Variants in NRG1 observed in about 807,000 individuals in gnomAD.
NRG1 encodes the protein pro-neuregulin-1, membrane-bound isoform.
Under a neutral mutation model 63.8 loss-of-function variants are expected in NRG1, and 18 were observed. The observed-to-expected ratio is 0.28, with a 90% CI of 0.19 to 0.42. The LOEUF (loss-of-function observed/expected upper bound fraction) is 0.42, where lower values mean the gene tolerates loss of function less well. Among genes scored for constraint, NRG1 ranks in the 10% least tolerant of loss-of-function variants. NRG1 has a pLI of 1.00. For missense variants in NRG1, 762 were observed against 814.7 expected (o/e 0.94, Z 0.79); for synonymous variants, 302 against 301.3 (o/e 1.00, Z -0.02).
chr8:31,706,119 A>G (rs1404171652), intron 1 of NRG1, among the ~76,000 whole-genome samples: 1 of 152,230 alleles, frequency 6.6e-6, no homozygotes, highest in East Asian at 1.9e-4. Flanking sequence ...AGAGTAAATG[A>G]GTACATAGTA....
At chr8:32,040,750 C>CATATATATAT (rs71208164) in intron 1 of NRG1, among the ~76,000 whole-genome samples, 2,063 of 48,682 alleles carry the variant, frequency 0.042, 187 homozygotes, top group African/African-American at 0.08. Context: ...AATTTAGGCG[C>CATATATATAT]ATATATATAT....
chr8:32,001,391 C>G lies in NRG1; in HGVS notation c.37+361960C>G, dbSNP rs532693662. ...CCACCGTGTAAGACATGACTTTGTT[C>G]CCCCTTTGCCTTCTGCCATGATTGT... On this transcript the variant is annotated intron_variant, in intron 1 of 10. Transcript: ENST00000519301. Among the ~76,000 whole-genome samples, 5 of 152,068 alleles carry G rather than the reference C, an allele frequency of 3.3e-5. No homozygotes were observed. In the East Asian group the frequency reaches 9.8e-4, roughly 30 times the overall value.
intron 9 of NRG1, among the ~76,000 whole-genome samples, chr8:32,758,602 A>AAG (rs1830096959): frequency 2.1e-5 from 3 of 139,638 alleles, no homozygotes; most frequent in African/African-American, 8.1e-5. Context: ...AAAAAAAAAA[A>AAG]GGAGAAGAAA....
At chr8:31,694,675 T>C (rs557884282) in intron 1 of NRG1, among the ~76,000 whole-genome samples, 1 of 152,288 alleles carries the variant, frequency 6.6e-6, no homozygotes, top group South Asian at 2.1e-4. Context: ...CTAGAGCCAA[T>C]GGGGCATAGG....
At chr8:31,932,555 T>G (rs945759247) in intron 1 of NRG1, among the ~76,000 whole-genome samples, 4 of 152,142 alleles carry the variant, frequency 2.6e-5, no homozygotes, top group African/African-American at 9.7e-5. Context: ...TCGTCAGGAG[T>G]GACATTTACT....
chr8:32,271,328 AG>A (rs1851520588), intron 1 of NRG1, among the ~76,000 whole-genome samples: 1 of 152,228 alleles, frequency 6.6e-6, no homozygotes. Context: ...AAATTATTTA[AG>A]AATGATTTAA....
intron 5 of NRG1, among the ~76,000 whole-genome samples, chr8:32,713,572 T>C (rs1431858290): frequency 6.6e-6 from 1 of 151,634 alleles, no homozygotes; most frequent in Non-Finnish European, 1.5e-5. Context: ...ATCAGATTTT[T>C]TTTTGTTTAC....
At chr8:32,048,369 A>C (rs1394653036) in intron 1 of NRG1, among the ~76,000 whole-genome samples, 1 of 148,896 alleles carries the variant, frequency 6.7e-6, no homozygotes, top group East Asian at 1.9e-4. Context: ...ATGCATGTAT[A>C]CATATATATG....
At chr8:32,370,313 A>G (rs922964918) in intron 1 of NRG1, among the ~76,000 whole-genome samples, 2 of 152,232 alleles carry the variant, frequency 1.3e-5, no homozygotes, top group African/African-American at 2.4e-5. Context: ...TTCAGAATGG[A>G]AACAAAAATA....
intron 1 of NRG1, among the ~76,000 whole-genome samples, chr8:32,042,811 T>C (rs1458166781): frequency 2.0e-5 from 3 of 152,120 alleles, no homozygotes; most frequent in African/African-American, 7.2e-5. Context: ...ATTGGTGAAT[T>C]TGAAGATAGA....
At chr8:31,840,281 A>G (rs369469369) in intron 1 of NRG1, among the ~76,000 whole-genome samples, 213 of 149,926 alleles carry the variant, frequency 1.4e-3, no homozygotes, top group South Asian at 4.3e-3. Flanking sequence ...AGATGGCCCG[A>G]GTGCAGGCTG....
intron 1 of NRG1, among the ~76,000 whole-genome samples, chr8:32,229,143 T>A (rs1846639555): frequency 6.6e-6 from 1 of 152,178 alleles, no homozygotes; most frequent in Admixed American, 6.5e-5. Context: ...GAAAGATGCA[T>A]GATATTTCCT....
intron 1 of NRG1, among the ~76,000 whole-genome samples, chr8:32,265,802 C>T (rs781362436): frequency 2.2e-4 from 34 of 151,812 alleles, no homozygotes; most frequent in Admixed American, 1.6e-3. Context: ...ATGATTGCAC[C>T]GCTGCACTCC....
At chr8:31,659,526 C>T (rs1322425768) in intron 1 of NRG1, among the ~76,000 whole-genome samples, 1 of 152,160 alleles carries the variant, frequency 6.6e-6, no homozygotes, top group Non-Finnish European at 1.5e-5. Context: ...ATGCTGAACC[C>T]GACCCTCAGG....
intron 1 of NRG1, among the ~76,000 whole-genome samples, chr8:32,184,342 G>T (rs191169948): frequency 2.0e-5 from 3 of 152,094 alleles, no homozygotes; most frequent in Non-Finnish European, 4.4e-5. Context: ...TTTTCCTGAA[G>T]GTACATTTAG....
intron 1 of NRG1, among the ~76,000 whole-genome samples, chr8:31,747,777 A>G (rs531802358): frequency 6.6e-6 from 1 of 152,108 alleles, no homozygotes; most frequent in Non-Finnish European, 1.5e-5. Flanking sequence ...AGATGAATCT[A>G]GGAATATGAC....
At chr8:31,735,194 C>T (rs527284516) in intron 1 of NRG1, among the ~76,000 whole-genome samples, 3 of 152,154 alleles carry the variant, frequency 2.0e-5, no homozygotes, top group African/African-American at 7.2e-5. Flanking sequence ...CCTGACCACC[C>T]CCATCCTCCA....
At chr8:31,832,277 G>T (rs1055970985) in intron 1 of NRG1, among the ~76,000 whole-genome samples, 14 of 149,618 alleles carry the variant, frequency 9.4e-5, no homozygotes, top group Admixed American at 3.3e-4. Flanking sequence ...TCTTGAGATG[G>T]GGTCTCAGTC....
At chr8:32,720,811 A>G (rs1442387448) in intron 5 of NRG1, among the ~76,000 whole-genome samples, 1 of 152,130 alleles carries the variant, frequency 6.6e-6, no homozygotes. Context: ...TGAAAAAAAC[A>G]GAAAAAAAAC....
Sources: allele counts gnomAD v4.1 joint callset (sites outside exome capture counted in the v4.1 genomes callset), GRCh38; gene constraint gnomAD v4.1.1; transcripts MANE v1.5; gene names NCBI Gene and HGNC (gene_info 2026-07-23, HGNC 2026-07-21).